VIRMA: variants seen among roughly 807,000 people sequenced by gnomAD.
VIRMA encodes the protein protein virilizer homolog.
A neutral mutation model predicts 182.4 loss-of-function variants in VIRMA; 65 were observed. The observed-to-expected ratio is 0.36, with a 90% CI of 0.29 to 0.44. The LOEUF (loss-of-function observed/expected upper bound fraction) is 0.44, where lower values mean the gene tolerates loss of function less well. VIRMA is among the 20% of genes least tolerant of loss of function. The pLI is 1.00. For synonymous variants in VIRMA, 709 were observed against 743.1 expected, an observed-to-expected ratio of 0.95 and a Z score of 0.75; for missense variants, 1,752 against 2,158.1, an observed-to-expected ratio of 0.81 and a Z score of 3.73.
intron 16 of VIRMA, among the ~76,000 whole-genome samples, chr8:94,501,255 CAAAA>C (rs55726504): frequency 3.0e-4 from 22 of 72,838 alleles, no homozygotes; most frequent in African/African-American, 1.2e-3. Flanking sequence ...GATTCCATCT[CAAAA>C]AAAAAAAAAA....
chr8:94,538,221 C>T (rs1815409111), intron 3 of VIRMA, 39 bp downstream of exon 3: 4 of 1,306,586 alleles, frequency 3.1e-6, no homozygotes, highest in Middle Eastern at 1.8e-4. Flanking sequence ...TGCTTACTAA[C>T]TCATGAGTTT....
chr8:94,546,656 T>C (rs1258688670), intron 1 of VIRMA, among the ~76,000 whole-genome samples: 1 of 151,028 alleles, frequency 6.6e-6, no homozygotes, highest in Non-Finnish European at 1.5e-5. Flanking sequence ...TTAGTGTACC[T>C]GTCTCCCAAG....
At chr8:94,494,524 G>A (rs1422717607) in intron 20 of VIRMA, among the ~76,000 whole-genome samples, 16 of 139,332 alleles carry the variant, frequency 1.1e-4, no homozygotes, top group Admixed American at 1.1e-3. Flanking sequence ...CCCGGGAAAC[G>A]GAGGTTGCAG....
chr8:94,497,901 C>T (rs1213130657), intron 17 of VIRMA: 1 of 152,320 alleles, frequency 6.6e-6, no homozygotes, highest in Non-Finnish European at 1.5e-5. Flanking sequence ...GTCCCAGCTA[C>T]TCAGGAGGCT....
In VIRMA at chr8:94,512,421, CT is replaced by C. The variant is rs201153708; in HGVS notation, c.2752-333del. On this transcript the variant is annotated intron_variant, in intron 11 of 23. Coordinates refer to ENST00000297591, the MANE Select transcript of VIRMA (RefSeq NM_015496.5). The stretch of plus-strand genomic sequence containing the variant: ...CTGTATTAAGAGTTTACAATGGCTA[CT>C]TTCTATATACTCTTTTCATACATCT... 55 of 154,370 alleles carry C rather than the reference CT, an allele frequency of 3.6e-4. 1 individual carries two copies. The East Asian group carries it at 9.7e-3, about 27-fold the overall frequency. The allele number at this position is 154,370 out of a possible 1,614,324, so 9.6% of individuals were successfully genotyped here.
rs367785528 is a variant in VIRMA at position 94,515,470 on chromosome 8, C to CA, written c.2669-520dup. ...CACTGCAGTCTCAGCTTCCTCAACT[C>CA]AATCAATCCTCCTGCTTCAACCTCC... On this transcript the variant is annotated intron_variant, in intron 10 of 23. Coordinates refer to ENST00000297591, the MANE Select transcript of VIRMA (RefSeq NM_015496.5). Among the ~76,000 whole-genome samples, 1,016 of 152,186 alleles carry CA rather than the reference C, an allele frequency of 6.7e-3. 7 individuals carry two copies. The highest frequency in any genetic ancestry group is 0.023 in the African/African-American group (943 of 41,514).
At chr8:94,510,267 T>A in intron 14 of VIRMA, 150 bp downstream of exon 14, 2 of 620,228 alleles carry the variant, frequency 3.2e-6, no homozygotes, top group Non-Finnish European at 2.8e-6. Flanking sequence ...ATTCATATAT[T>A]CATATGTGTG....
Position 94,496,327 on chromosome 8 carries a change from C to T in VIRMA, c.4383+1G>A. ...GAACGCTCTGTTTTTTTCTTTTTTA[C>T]CAAAACAAGCTTCTCTAGTTCAAGG... On this transcript the variant is annotated splice_donor_variant, in intron 18 of 23. Coordinates refer to ENST00000297591, the MANE Select transcript of VIRMA (RefSeq NM_015496.5). LOFTEE classifies it high-confidence loss of function. The T allele has an allele frequency of 1.2e-6, 2 of 1,603,406 alleles. No homozygotes were observed. Among genetic ancestry groups the T allele is most frequent in the Admixed American group, 1.7e-5 (1 of 57,448 alleles).
chr8:94,501,243 G>A (rs1338916113), intron 16 of VIRMA, among the ~76,000 whole-genome samples: 3 of 118,730 alleles, frequency 2.5e-5, no homozygotes, highest in African/African-American at 3.3e-5. Flanking sequence ...GGGACAGTGC[G>A]AGATTCCATC....
At chr8:94,540,610 C>T (rs1012485451) in intron 2 of VIRMA, among the ~76,000 whole-genome samples, 2 of 151,830 alleles carry the variant, frequency 1.3e-5, no homozygotes, top group African/African-American at 2.4e-5. Context: ...TACAGGCACG[C>T]GCCACCAGGC....
rs1484364743 is a variant in VIRMA at position 94,537,090 on chromosome 8, CT to C, written c.315+12del. 6.3e-7 allele frequency: 1 copy of C among 1,574,878 alleles called. No individual in the cohort carries two copies. The highest frequency in any genetic ancestry group is 8.7e-7 in the Non-Finnish European group (1 of 1,144,580). ...ATAGTAATGACAAGCTGAAAACTGA[CT>C]TCCAGAATTACCTTTGAGTTAGGTC... On this transcript the variant is annotated intron_variant, in intron 4 of 23. Coordinates refer to ENST00000297591, the MANE Select transcript of VIRMA (RefSeq NM_015496.5).
chr8:94,523,131 T>C (rs940567655), intron 8 of VIRMA, among the ~76,000 whole-genome samples: 2 of 152,214 alleles, frequency 1.3e-5, no homozygotes, highest in Non-Finnish European at 1.5e-5. Flanking sequence ...AAATGTATTA[T>C]ATTTGCATAC....
chr8:94,497,724 G>C (rs1194865028), intron 17 of VIRMA: 1 of 152,032 alleles, frequency 6.6e-6, no homozygotes, highest in Non-Finnish European at 1.5e-5. Flanking sequence ...TTTAAGAGAC[G>C]AGTTGGCCAG....
At chr8:94,537,061 G>C (rs1351389650) in intron 4 of VIRMA, 42 bp downstream of exon 4, 2 of 1,306,988 alleles carry the variant, frequency 1.5e-6, no homozygotes, top group Non-Finnish European at 2.2e-6. Flanking sequence ...GGAGTTGAGA[G>C]CAAATAGTAA....
intron 10 of VIRMA, among the ~76,000 whole-genome samples, chr8:94,516,434 T>C (rs966310955): frequency 7.2e-5 from 11 of 152,290 alleles, no homozygotes; most frequent in African/African-American, 2.6e-4. Flanking sequence ...CCAGAAGCTA[T>C]ACCATAACTC....
rs1168005016 is a variant in VIRMA at position 94,488,028 on chromosome 8, G to A, written c.*678C>T. 2.0e-5 allele frequency: 3 copies of A among 152,140 alleles called. No homozygotes were observed. The highest frequency in any genetic ancestry group is 7.2e-5 in the African/African-American group (3 of 41,416). 9.4% of individuals were successfully genotyped at this position (152,140 alleles called of 1,614,324 possible). On this transcript the variant is annotated 3_prime_UTR_variant, in exon 24 of 24. Transcript: ENST00000297591. Reference sequence around the variant, plus strand: ...AGGGCACCTTAGCAAATTAACATGGGTGCCACACAATATTTTAAAATTTTT... The same window carrying A: ...AGGGCACCTTAGCAAATTAACATGGATGCCACACAATATTTTAAAATTTTT...
At chr8:94,529,890 T>C (rs1251346465) in intron 6 of VIRMA, among the ~76,000 whole-genome samples, 1 of 152,226 alleles carries the variant, frequency 6.6e-6, no homozygotes, top group East Asian at 1.9e-4. Flanking sequence ...TCCACCCACC[T>C]TGGCCTCCCA....
At chr8:94,502,930 T>C (rs1359565101) in intron 16 of VIRMA, among the ~76,000 whole-genome samples, 1 of 151,026 alleles carries the variant, frequency 6.6e-6, no homozygotes, top group African/African-American at 2.4e-5. Flanking sequence ...GTGGCCAGAG[T>C]TGGAATAAGA....
intron 1 of VIRMA, among the ~76,000 whole-genome samples, chr8:94,552,616 G>A (rs1387896112): frequency 6.6e-6 from 1 of 151,054 alleles, no homozygotes; most frequent in Non-Finnish European, 1.5e-5. Context: ...GTTCATTTTT[G>A]GTCTGCTTTC....
Sources: gnomAD v4.1 joint callset for allele counts (sites outside exome capture counted in the v4.1 genomes callset) on GRCh38, gnomAD v4.1.1 for gene constraint, MANE v1.5 for transcripts, NCBI Gene and HGNC (gene_info 2026-07-23, HGNC 2026-07-21) for gene names.